FBN1: variants seen among roughly 807,000 people sequenced by gnomAD.
The protein encoded by FBN1 is fibrillin 1, also known as fibrillin-1.
Under a neutral mutation model 365.1 loss-of-function variants are expected in FBN1, and 29 were observed. The observed-to-expected ratio is 0.08, with a 90% CI of 0.06 to 0.11. The LOEUF is 0.11. Among genes scored for constraint, FBN1 ranks in the 10% least tolerant of loss-of-function variants. The pLI is 1.00. For synonymous variants in FBN1, 1,210 were observed against 1,270.5 expected (o/e 0.95, Z 1.01); for missense variants, 2,476 against 3,703.2 (o/e 0.67, Z 8.60).
chr15:48,613,440 G>A (rs776347656), intron 2 of FBN1, among the ~76,000 whole-genome samples: 1 of 152,086 alleles, frequency 6.6e-6, no homozygotes, highest in Non-Finnish European at 1.5e-5. Flanking sequence ...AAGAAAGTTT[G>A]TAATAAAATC....
At chr15:48,539,822 T>C (rs1193605666) in intron 6 of FBN1, among the ~76,000 whole-genome samples, 1 of 152,156 alleles carries the variant, frequency 6.6e-6, no homozygotes, top group Admixed American at 6.5e-5. Context: ...TGTTTATGCA[T>C]TTCTTACTCT....
At chr15:48,570,114 CT>C (rs1434909287) in intron 6 of FBN1, among the ~76,000 whole-genome samples, 1 of 152,100 alleles carries the variant, frequency 6.6e-6, no homozygotes, top group African/African-American at 2.4e-5. Flanking sequence ...ACTTAATACT[CT>C]TTCTGTTTGT....
rs764101656 is a variant in FBN1, at chr15:48,497,292, A to G, written c.2267T>C (p.Val756Ala). The G allele has an allele frequency of 1.2e-6, 2 of 1,614,044 alleles. No individual in the cohort carries two copies. The highest frequency in any genetic ancestry group is 1.3e-5 in the African/African-American group (1 of 75,042). Reference sequence around the variant, plus strand: ...AACGCAGTTTTTCCCAGTTGAATCCACTTCATATCCTGAATTGCATATACA... The same window carrying G: ...AACGCAGTTTTTCCCAGTTGAATCCGCTTCATATCCTGAATTGCATATACA... Reference protein sequence around the residue: ...YKCICNSGYEVDSTGKNCVDI... With the variant: ...YKCICNSGYEADSTGKNCVDI... The change falls in exon 19 of 66, where the codon GTG becomes GCG. Residue 756 changes from valine (V) to alanine (A), a missense_variant. Transcript: ENST00000316623.
intron 2 of FBN1, chr15:48,641,778 C>T (rs1052316351): frequency 6.6e-6 from 1 of 152,100 alleles, no homozygotes; most frequent in Non-Finnish European, 1.5e-5. Flanking sequence ...AAATGTAGTA[C>T]ATAACTGCTT....
At chr15:48,476,596 CTTTCT>C (rs1045286306) in intron 32 of FBN1, among the ~76,000 whole-genome samples, 5 of 142,670 alleles carry the variant, frequency 3.5e-5, no homozygotes, top group Non-Finnish European at 4.6e-5. Flanking sequence ...GAGCTTCTTT[CTTTCT>C]TTTCTTTTCT....
At chr15:48,516,112 T>C (rs2043798206) in intron 11 of FBN1, 71 bp downstream of exon 11, 13 of 1,423,030 alleles carry the variant, frequency 9.1e-6, no homozygotes, top group Admixed American at 5.2e-5. Flanking sequence ...TAAAGTAGCA[T>C]AAATAAATAA....
chr15:48,487,446 T>C lies in FBN1; in HGVS notation c.3338-9A>G, dbSNP rs2043518710. 3 of 1,613,594 alleles carry C rather than the reference T, an allele frequency of 1.9e-6. No homozygotes were observed. The highest frequency in any genetic ancestry group is 2.5e-6 in the Non-Finnish European group (3 of 1,179,882). ...CTGACACTCATCAATATCTGCAAAA[T>C]GGAAATGACCATGTTAAAGGTGGGG... On this transcript the variant is annotated splice_polypyrimidine_tract_variant and intron_variant, in intron 27 of 65. Coordinates refer to ENST00000316623, the MANE Select transcript of FBN1 (RefSeq NM_000138.5).
intron 65 of FBN1, 90 bp from the exon 66 acceptor site, chr15:48,411,469 A>T (rs1465930664): frequency 4.0e-6 from 5 of 1,239,928 alleles, no homozygotes; most frequent in Non-Finnish European, 5.9e-6. Flanking sequence ...ATTTCACACT[A>T]ATACAATTTT....
intron 2 of FBN1, among the ~76,000 whole-genome samples, chr15:48,615,711 C>G (rs572536857): frequency 6.6e-6 from 1 of 152,016 alleles, no homozygotes; most frequent in East Asian, 1.9e-4. Context: ...TTTAAAATAA[C>G]CAATACATAA....
intron 8 of FBN1, 73 bp from the exon 9 acceptor site, chr15:48,526,328 G>C: frequency 6.6e-7 from 1 of 1,517,410 alleles, no homozygotes. Flanking sequence ...GAAGGACTCA[G>C]ATGTTAACAC....
At chr15:48,603,491 C>T (rs769051537) in intron 4 of FBN1, among the ~76,000 whole-genome samples, 1 of 152,162 alleles carries the variant, frequency 6.6e-6, no homozygotes, top group Admixed American at 6.5e-5. Context: ...TCACTGTACA[C>T]GCAGGAAATA....
intron 36 of FBN1, among the ~76,000 whole-genome samples, chr15:48,469,889 G>A (rs1044467563): frequency 2.0e-5 from 3 of 152,108 alleles, no homozygotes; most frequent in African/African-American, 7.2e-5. Flanking sequence ...GCATTTGCAG[G>A]GTGGTGGTGG....
chr15:48,441,843 A>G lies in FBN1; in HGVS notation c.6041T>C (p.Ile2014Thr), dbSNP rs776507208. 1.2e-6 allele frequency: 2 copies of G among 1,613,314 alleles called. No homozygotes were observed. Among genetic ancestry groups the G allele is most frequent in the Non-Finnish European group, 1.7e-6 (2 of 1,179,550 alleles). ...TTCTGGCTCTTCGACACACTCATCA[A>G]TATCTAAAAGAATCACATGAGTCAA... is the stretch of plus-strand genomic sequence containing the variant. Reference protein sequence around the residue: ...YSLQNEKCEDIDECVEEPEIC... With the variant: ...YSLQNEKCEDTDECVEEPEIC... Residue 2014 changes from isoleucine to threonine, a missense_variant, in exon 50 of 66, where the codon ATT becomes ACT. Physicochemically the swap from Ile to Thr is moderately conservative, Grantham distance 89 (BLOSUM62 -1). This residue lies in a region of FBN1 where 1,780 missense variants were observed against 2,840.8 expected (regional missense o/e 0.63). Coordinates refer to ENST00000316623, the MANE Select transcript of FBN1 (RefSeq NM_000138.5).
chr15:48,464,631 A>G (rs188417408), intron 40 of FBN1, among the ~76,000 whole-genome samples: 1 of 152,344 alleles, frequency 6.6e-6, no homozygotes, highest in Non-Finnish European at 1.5e-5. Flanking sequence ...AATATCCTCA[A>G]AGGTAGGCAG....
intron 53 of FBN1, among the ~76,000 whole-genome samples, chr15:48,435,730 A>ATATGTATGTGTG (rs2043063076): frequency 3.8e-5 from 3 of 78,372 alleles, no homozygotes; most frequent in Admixed American, 1.4e-4. Context: ...ATATATGTGT[A>ATATGTATGTGTG]TATATATGTG....
chr15:48,507,649 C>A (rs1255821202), intron 15 of FBN1, among the ~76,000 whole-genome samples: 1 of 152,128 alleles, frequency 6.6e-6, no homozygotes, highest in Non-Finnish European at 1.5e-5. Context: ...CCAAAGCTGT[C>A]CACTAGGGGC....
intron 59 of FBN1, 64 bp downstream of exon 59, chr15:48,425,675 G>GTTT: frequency 8.0e-7 from 1 of 1,246,556 alleles, no homozygotes; most frequent in South Asian, 1.4e-5. Context: ...TTAGCTTTGG[G>GTTT]TTTTTTTTTT....
chr15:48,515,146 C>G (rs757237904), intron 12 of FBN1, among the ~76,000 whole-genome samples: 7 of 152,162 alleles, frequency 4.6e-5, no homozygotes, highest in African/African-American at 9.7e-5. Flanking sequence ...CTGAAAAAGG[C>G]AAAGAGATGG....
rs1335174952 is a variant in FBN1, at chr15:48,411,252, G to T, written c.8354C>A (p.Thr2785Lys). 6.2e-7 allele frequency: 1 copy of T among 1,614,036 alleles called. No individual in the cohort carries two copies. Among genetic ancestry groups the T allele is most frequent in the African/African-American group, 1.3e-5 (1 of 74,942 alleles). The change falls in exon 66 of 66, where the codon ACA becomes AAA. Residue 2785 changes from threonine to lysine, a missense_variant. Thr to Lys is a moderately conservative substitution (Grantham distance 78, BLOSUM62 -1). Transcript: ENST00000316623. ...VRILELLPAL[T>K]TLTNHNRYLI... is the part of the protein sequence containing the mutation. ...GTATCTGTTGTGATTCGTCAGAGTT[G>T]TAAGAGCTGGAAGGAGTTCTAGGAT... is the stretch of plus-strand genomic sequence containing the variant.
Sources: allele counts gnomAD v4.1 joint callset (sites outside exome capture counted in the v4.1 genomes callset), GRCh38; gene constraint gnomAD v4.1.1; regional missense constraint gnomAD v4.1.1; transcripts MANE v1.5; gene names NCBI Gene and HGNC (gene_info 2026-07-23, HGNC 2026-07-21).